The following EML3 variants were observed in gnomAD, a reference collection of about 807,000 sequenced individuals.
EML3 encodes the protein echinoderm microtubule-associated protein-like 3.
In EML3, 53 loss-of-function variants were observed where a neutral mutation model predicts 106.7. The ratio of observed to expected loss-of-function variants is 0.50; its 90% CI spans 0.40 to 0.62. The LOEUF is 0.62. Among genes scored for constraint, EML3 ranks in the 20% least tolerant of loss-of-function variants. The probability of loss-of-function intolerance (pLI) is 0.00; values close to 1 mark genes in which losing one functional copy is unlikely to be tolerated. For missense variants in EML3, 994 were observed against 1,209.1 expected (o/e 0.82, Z 2.64); for synonymous variants, 499 against 489.6 (o/e 1.02, Z -0.25).
At position 62,605,728 on chromosome 11, in the gene EML3, T is replaced by C. The variant is rs1942476896; in HGVS notation, c.1828A>G (p.Asn610Asp). The change falls in exon 15 of 22, where the codon AAC becomes GAC. Residue 610 changes from asparagine to aspartate, a missense_variant. Coordinates refer to ENST00000394773, the MANE Select transcript of EML3 (RefSeq NM_153265.3). This position sits in a 1 kb window ranked among gnomAD's most constrained non-coding sequence, Gnocchi z 5.2. ...TCGTGGCCGCAGGTGAGGAAGCGGT[T>C]CTGGGAGGGGTGTGTGCAGAGCCCC... ...LWGLCTHPSQNRFLTCGHDRQ... is the reference protein window; with the variant it reads ...LWGLCTHPSQDRFLTCGHDRQ... 1.9e-6 allele frequency: 3 copies of C among 1,601,116 alleles called. No individual in the cohort carries two copies. Among genetic ancestry groups the C allele is most frequent in the Non-Finnish European group, 2.6e-6 (3 of 1,173,192 alleles).
Position 62,609,473 on chromosome 11 carries a change from G to A in EML3, c.639C>T (p.Gly213=), listed in dbSNP as rs1160034297. The change falls in exon 6 of 22, where the codon GGC becomes GGT. Residue 213 remains glycine (G), a synonymous_variant. Coordinates refer to ENST00000394773, the MANE Select transcript of EML3 (RefSeq NM_153265.3). ...GSRRSNYNLE[G]ISVKMFLRGR... ...CTCGAAGGAACATCTTCACTGAGATGCCTTCTACAGAGAAAAGGGGTGGTG... is the reference window on the plus strand; with the variant it reads ...CTCGAAGGAACATCTTCACTGAGATACCTTCTACAGAGAAAAGGGGTGGTG... The A allele has an allele frequency of 1.3e-6, 2 of 1,568,316 alleles. No individual in the cohort carries two copies. The highest frequency in any genetic ancestry group is 1.2e-5 in the South Asian group (1 of 84,346).
chr11:62,606,316 C>T, intron 12 of EML3, 102 bp from the exon 13 acceptor site: 1 of 1,321,280 alleles, frequency 7.6e-7, no homozygotes, highest in Non-Finnish European at 1.0e-6. Flanking sequence ...CCAGCCATTG[C>T]ATGCACTGAC....
chr11:62,607,521 G>C, intron 11 of EML3, 145 bp downstream of exon 11: 1 of 964,764 alleles, frequency 1.0e-6, no homozygotes, highest in Non-Finnish European at 1.5e-6. Flanking sequence ...TGGGTGACAA[G>C]AGCAAGACTC....
chr11:62,611,062 C>T (rs1274917511), intron 3 of EML3, 25 bp downstream of exon 3: 1 of 1,601,930 alleles, frequency 6.2e-7, no homozygotes, highest in South Asian at 1.1e-5. Flanking sequence ...TCCCAGCTTC[C>T]GCCACAGGGC....
In EML3 at chr11:62,608,200, C is replaced by T. The variant is rs1442745696; in HGVS notation, c.1206+1G>A. On this transcript the variant is annotated splice_donor_variant, in intron 10 of 21. Coordinates refer to ENST00000394773, the MANE Select transcript of EML3 (RefSeq NM_153265.3). LOFTEE classifies it high-confidence loss of function. ...CCCTCCAAGCCACATGGACTCCTCA[C>T]CTTGATCTCAGCCAGCTTCATTCCC... 1 of 1,613,890 alleles carries T rather than the reference C, an allele frequency of 6.2e-7. No homozygotes were observed. The highest frequency in any genetic ancestry group is 8.5e-7 in the Non-Finnish European group (1 of 1,179,978).
chr11:62,612,483 C>T lies in EML3; in HGVS notation c.-26G>A. 2 of 1,410,762 alleles carry T rather than the reference C, an allele frequency of 1.4e-6. No individual in the cohort carries two copies. The highest frequency in any genetic ancestry group is 9.2e-7 in the Non-Finnish European group (1 of 1,088,520). The allele number at this position is 1,410,762 out of a possible 1,614,324, so 87.4% of individuals were successfully genotyped here. A position where few individuals can be genotyped will look rare whatever the true frequency, so the allele number is the denominator to read the frequency against. ...CCGGCCCCCGGGTTGCTCCGAGCGG[C>T]GGCGGCGGAGGAGGCGTCTAAGCCG... On this transcript the variant is annotated 5_prime_UTR_variant, in exon 1 of 22. Transcript: ENST00000394773.
intron 12 of EML3, 134 bp from the exon 13 acceptor site, chr11:62,606,348 T>C: frequency 1.0e-6 from 1 of 988,516 alleles, no homozygotes; most frequent in Non-Finnish European, 1.5e-6. Flanking sequence ...ATCCTCATAC[T>C]GCCAACACAT....
In EML3 at chr11:62,603,151, T is replaced by C; in HGVS notation, c.2354A>G (p.Tyr785Cys). Residue 785 changes from tyrosine (Y) to cysteine (C), a missense_variant and splice_region_variant, in exon 20 of 22, where the codon TAC (tyrosine) becomes TGC (cysteine). Physicochemically the swap from Tyr to Cys is radical, Grantham distance 194. Around this residue, in one of 3 missense-constraint regions of EML3, gnomAD observed 713 missense variants for 920.5 expected, o/e 0.77. Coordinates refer to ENST00000394773, the MANE Select transcript of EML3 (RefSeq NM_153265.3). ...CAGGTTTCCACGCCCCTGCTCACCG[T>C]AGACGTGAAAGCCCAGCACACAGGT... is the stretch of plus-strand genomic sequence containing the variant. The part of the protein sequence containing the change: ...TYTCVLGFHV[Y>C]GVWPDGSDGT... 1 of 1,614,044 alleles carries C rather than the reference T, an allele frequency of 6.2e-7. No homozygotes were observed. Among genetic ancestry groups the C allele is most frequent in the Non-Finnish European group, 8.5e-7 (1 of 1,179,992 alleles).
chr11:62,607,879 G>A, intron 10 of EML3, 58 bp from the exon 11 acceptor site: 1 of 1,571,730 alleles, frequency 6.4e-7, no homozygotes, highest in Non-Finnish European at 8.7e-7. Flanking sequence ...CATTCTACTT[G>A]ACTCTCCTCA....
At position 62,612,740 on chromosome 11, in the gene EML3, C is replaced by T. The variant is rs922097086; in HGVS notation, c.-283G>A. The T allele has an allele frequency of 7.4e-5, 22 of 297,294 alleles. No individual in the cohort carries two copies. Among genetic ancestry groups the T allele is most frequent in the Non-Finnish European group, 1.4e-4 (22 of 162,634 alleles). 18.4% of individuals were successfully genotyped at this position (297,294 alleles called of 1,614,324 possible). On this transcript the variant is annotated 5_prime_UTR_variant, in exon 1 of 22. Transcript: ENST00000394773. The stretch of plus-strand genomic sequence containing the variant: ...GCCGTCCGGTGCCACAGCGCCGCAG[C>T]ACAAACAGGCGCCGGACGCGGAGCC...
chr11:62,607,143 C>A (rs1348467878), intron 11 of EML3, 44 bp from the exon 12 acceptor site: 1 of 1,605,620 alleles, frequency 6.2e-7, no homozygotes, highest in African/African-American at 1.3e-5. Context: ...AAGGGAAGGG[C>A]AAAGATTAAA....
chr11:62,608,769 C>A lies in EML3; in HGVS notation c.966G>T (p.Ser322=). 1.3e-6 allele frequency: 2 copies of A among 1,588,892 alleles called. No individual in the cohort carries two copies. The highest frequency in any genetic ancestry group is 1.2e-5 in the South Asian group (1 of 86,072). Residue 322 remains serine (S), a synonymous_variant, in exon 8 of 22, where the codon TCG becomes TCT. Transcript: ENST00000394773. ...CCTTATCCACTCCAGCTGTCTGTCC[C>A]GAGGCTACCCGAACACCATCAGGGT... ...AVHPDGVRVA[S]GQTAGVDKDG...
In EML3 at chr11:62,603,820, G is replaced by A; in HGVS notation, c.2170-4C>T. The A allele has an allele frequency of 6.2e-7, 1 of 1,614,024 alleles. No homozygotes were observed. Among genetic ancestry groups the A allele is most frequent in the Non-Finnish European group, 8.5e-7 (1 of 1,179,962 alleles). The stretch of plus-strand genomic sequence containing the variant: ...GAGTGATGAAGCTGGAGTGACCCTG[G>A]GAGCAAAGGTCAAGAGTTTTAAAGT... On this transcript the variant is annotated splice_region_variant and splice_polypyrimidine_tract_variant and intron_variant, in intron 18 of 21. Coordinates refer to ENST00000394773, the MANE Select transcript of EML3 (RefSeq NM_153265.3).
At chr11:62,604,323 C>A in intron 16 of EML3, 122 bp from the exon 17 acceptor site, 1 of 717,174 alleles carries the variant, frequency 1.4e-6, no homozygotes, top group Admixed American at 2.2e-5. Flanking sequence ...GAGACACACA[C>A]AGAAAGGCTC....
At position 62,610,946 on chromosome 11, in the gene EML3, G is replaced by A. The variant is rs1159368425; in HGVS notation, c.499C>T (p.Arg167Trp). The change falls in exon 4 of 22, where the codon CGG (arginine) becomes TGG (tryptophan). Residue 167 changes from arginine to tryptophan, a missense_variant. Arg to Trp is a moderately radical substitution (Grantham distance 101). This residue lies in a region of EML3 where 269 missense variants were observed against 265.1 expected (regional missense o/e 1.01). Transcript: ENST00000394773. ...ATTGCCTTCCTGGAGAGCTTCTGCC[G>A]AGGCCGCTCTGAGGGGGATGAGGAG... ...SSSSSPSERP[R>W]QKLSRKAISS... 3 of 1,613,708 alleles carry A rather than the reference G, an allele frequency of 1.9e-6. No individual in the cohort carries two copies. Among genetic ancestry groups the A allele is most frequent in the Non-Finnish European group, 2.5e-6 (3 of 1,179,896 alleles).
intron 16 of EML3, chr11:62,604,586 C>T: frequency 3.8e-6 from 1 of 261,788 alleles, no homozygotes; most frequent in Non-Finnish European, 7.7e-6. Context: ...CCATGTTGGC[C>T]AGGCTGGTCT....
Position 62,606,088 on chromosome 11 carries a change from C to G in EML3, c.1631G>C (p.Gly544Ala), listed in dbSNP as rs1336261585. 3 of 1,614,016 alleles carry G rather than the reference C, an allele frequency of 1.9e-6. No individual in the cohort carries two copies. Among genetic ancestry groups the G allele is most frequent in the Non-Finnish European group, 2.5e-6 (3 of 1,180,030 alleles). ...RDRRLVQWGP[G>A]LVALQEAEIP... ...CTCAGCCTCCTGGAGGGCCACCAACCCGGGCCCCCACTGTACCAGCCGGCG... is the reference window on the plus strand; with the variant it reads ...CTCAGCCTCCTGGAGGGCCACCAACGCGGGCCCCCACTGTACCAGCCGGCG... The change falls in exon 13 of 22, where the codon GGG (glycine) becomes GCG (alanine). Residue 544 changes from glycine (G) to alanine (A), a missense_variant. Physicochemically the swap from Gly to Ala is moderately conservative, Grantham distance 60. Around this residue, in one of 3 missense-constraint regions of EML3, gnomAD observed 713 missense variants for 920.5 expected, o/e 0.77. Coordinates refer to ENST00000394773, the MANE Select transcript of EML3 (RefSeq NM_153265.3).
Position 62,603,255 on chromosome 11 carries a change from G to A in EML3, c.2258-8C>T. 6.2e-7 allele frequency: 1 copy of A among 1,612,566 alleles called. No homozygotes were observed. The highest frequency in any genetic ancestry group is 1.7e-5 in the Admixed American group (1 of 60,014). ...AGCCTCCAGCCACGTCCCCTGGGGA[G>A]AGGGAGCCCGCCCAGCTCAGCTCTC... On this transcript the variant is annotated splice_polypyrimidine_tract_variant and splice_region_variant and intron_variant, in intron 19 of 21. Coordinates refer to ENST00000394773, the MANE Select transcript of EML3 (RefSeq NM_153265.3).
rs1425262243 is a variant in EML3 at position 62,611,187 on chromosome 11, C to T, written c.352G>A (p.Gly118Arg). The T allele has an allele frequency of 1.9e-6, 3 of 1,607,942 alleles. No homozygotes were observed. Among genetic ancestry groups the T allele is most frequent in the East Asian group, 2.2e-5 (1 of 44,848 alleles). ...APQGASEEPSGTQSEGGGSSS... is the reference protein window; with the variant it reads ...APQGASEEPSRTQSEGGGSSS... ...CTGCCCCCTCCTTCAGATTGGGTCC[C>T]GCTAGGCTCTTCGCTGGCCCCCTGA... The change falls in exon 3 of 22, where the codon GGG becomes AGG. Residue 118 changes from glycine (G) to arginine (R), a missense_variant. Gly to Arg is a moderately radical substitution (Grantham distance 125). Transcript: ENST00000394773.
Sources: allele counts gnomAD v4.1 joint callset, GRCh38; gene constraint gnomAD v4.1.1; regional missense constraint gnomAD v4.1.1; non-coding constraint Gnocchi (gnomAD v3.1); transcripts MANE v1.5; gene names NCBI Gene and HGNC (gene_info 2026-07-23, HGNC 2026-07-21).